SGIP1: variants seen among roughly 807,000 people sequenced by gnomAD.
SGIP1 encodes SH3GL interacting endocytic adaptor 1.
SGIP1 carries 38 observed loss-of-function variants against 107.5 expected under a neutral mutation model. The ratio of observed to expected loss-of-function variants is 0.35; its 90% CI spans 0.27 to 0.46. SGIP1 has a LOEUF of 0.46. SGIP1 is among the 20% of genes least tolerant of loss of function. SGIP1 has a pLI of 1.00. For missense variants in SGIP1, 929 were observed against 1,019.5 expected (o/e 0.91, Z 1.21); for synonymous variants, 365 against 366.1 (o/e 1.00, Z 0.03).
At chr1:66,540,107 GA>G (rs991119618) in intron 1 of SGIP1, among the ~76,000 whole-genome samples, 1 of 151,528 alleles carries the variant, frequency 6.6e-6, no homozygotes, top group South Asian at 2.1e-4. Context: ...ATGGACGTAA[GA>G]AAAAAATGCT....
chr1:66,639,065 G>A (rs569746792), intron 4 of SGIP1, among the ~76,000 whole-genome samples: 1 of 152,196 alleles, frequency 6.6e-6, no homozygotes, highest in African/African-American at 2.4e-5. Context: ...TTGTACTAGG[G>A]GACAAAGAAA....
At chr1:66,703,942 T>A (rs890463935) in intron 18 of SGIP1, among the ~76,000 whole-genome samples, 11 of 152,068 alleles carry the variant, frequency 7.2e-5, no homozygotes, top group African/African-American at 2.7e-4. Flanking sequence ...TAGATCTTAG[T>A]TATAACCTCA....
chr1:66,612,837 C>T (rs552084406), intron 1 of SGIP1, among the ~76,000 whole-genome samples: 1 of 152,228 alleles, frequency 6.6e-6, no homozygotes, highest in South Asian at 2.1e-4. Context: ...GTTTAAATCC[C>T]AATTAAGATT....
chr1:66,593,287 T>G (rs1448124446), intron 1 of SGIP1, among the ~76,000 whole-genome samples: 1 of 152,214 alleles, frequency 6.6e-6, no homozygotes, highest in Non-Finnish European at 1.5e-5. Context: ...GACAGAGTTT[T>G]CAACTCATTT....
intron 15 of SGIP1, among the ~76,000 whole-genome samples, chr1:66,683,527 C>G (rs545367946): frequency 6.6e-6 from 1 of 151,978 alleles, no homozygotes; most frequent in Admixed American, 6.6e-5. Context: ...CACACAAAAC[C>G]AGTGCTTTAT....
chr1:66,656,179 C>T lies in SGIP1; in HGVS notation c.460-4334C>T, dbSNP rs181721531. The stretch of plus-strand genomic sequence containing the variant: ...ACACAAACATTAACCTAGACCTACA[C>T]AGGGTCAGGACCAGCAACATCACTG... On this transcript the variant is annotated intron_variant, in intron 7 of 24. Transcript: ENST00000371037. 2.8e-3 allele frequency among the ~76,000 whole-genome samples: 419 copies of T among 152,276 alleles called. 4 individuals carry two copies. The highest frequency in any genetic ancestry group is 0.027 in the Middle Eastern group (8 of 294).
rs377152731 is a variant in SGIP1 at position 66,682,104 on chromosome 1, C to T, written c.1050C>T (p.Gly350=). The change falls in exon 15 of 25, where the codon GGC becomes GGT. Residue 350 remains glycine (G), a synonymous_variant. Transcript: ENST00000371037. ...PDNPADSPAP[G]PLGPPGPTGP... is the part of the protein sequence containing the mutation. ...ACCCAGCTGACTCCCCAGCTCCAGGCCCTCTCGGCCCCCCAGGTCCCACAG... is the reference window on the plus strand; with the variant it reads ...ACCCAGCTGACTCCCCAGCTCCAGGTCCTCTCGGCCCCCCAGGTCCCACAG... 37 of 1,614,056 alleles carry T rather than the reference C, an allele frequency of 2.3e-5. No homozygotes were observed. The highest frequency in any genetic ancestry group is 3.0e-5 in the Non-Finnish European group (35 of 1,180,022).
At position 66,660,531 on chromosome 1, in the gene SGIP1, A is replaced by T. The variant is rs2081259387; in HGVS notation, c.471+7A>T. The T allele has an allele frequency of 6.2e-7, 1 of 1,609,838 alleles. No homozygotes were observed. The highest frequency in any genetic ancestry group is 8.5e-7 in the Non-Finnish European group (1 of 1,176,184). On this transcript the variant is annotated splice_region_variant and intron_variant, in intron 8 of 24. Transcript: ENST00000371037. ...CTTTTAGAGGAAAAGTCCGGTAAGA[A>T]ATAAGTCCTTCCCGCTTTTGGGGCA...
At chr1:66,703,517 A>C (rs1448388349) in intron 18 of SGIP1, among the ~76,000 whole-genome samples, 1 of 151,586 alleles carries the variant, frequency 6.6e-6, no homozygotes, top group East Asian at 1.9e-4. Context: ...ACATATACAT[A>C]CATATGCACA....
chr1:66,667,271 T>C (rs1386925080), intron 8 of SGIP1, among the ~76,000 whole-genome samples: 1 of 152,214 alleles, frequency 6.6e-6, no homozygotes, highest in Non-Finnish European at 1.5e-5. Flanking sequence ...CTTGTTCTTA[T>C]GTACACATAA....
intron 18 of SGIP1, among the ~76,000 whole-genome samples, chr1:66,708,173 C>A (rs2092657661): frequency 6.6e-6 from 1 of 152,114 alleles, no homozygotes; most frequent in Non-Finnish European, 1.5e-5. Context: ...TTACCTTGAG[C>A]AAGTTATTTA....
intron 1 of SGIP1, among the ~76,000 whole-genome samples, chr1:66,576,133 T>C (rs1013260217): frequency 4.6e-5 from 7 of 152,088 alleles, no homozygotes; most frequent in African/African-American, 1.7e-4. Flanking sequence ...CCTTCTGGAG[T>C]CCTAAAGATA....
At chr1:66,684,286 A>C in intron 15 of SGIP1, 1 of 1,491,350 alleles carries the variant, frequency 6.7e-7, no homozygotes, top group Non-Finnish European at 9.0e-7. Context: ...GACTACTGAC[A>C]CCCATCTACA....
At chr1:66,605,745 G>T (rs1382281377) in intron 1 of SGIP1, among the ~76,000 whole-genome samples, 3 of 152,070 alleles carry the variant, frequency 2.0e-5, no homozygotes, top group East Asian at 1.9e-4. Flanking sequence ...AGGCTAATTT[G>T]GTGTCTGAGG....
intron 1 of SGIP1, among the ~76,000 whole-genome samples, chr1:66,581,289 A>T (rs2061792593): frequency 6.6e-6 from 1 of 152,074 alleles, no homozygotes. Flanking sequence ...TTGAAAAATT[A>T]CTAGTTATGC....
intron 24 of SGIP1, among the ~76,000 whole-genome samples, chr1:66,742,439 T>A (rs1357434220): frequency 2.8e-5 from 4 of 145,302 alleles, no homozygotes; most frequent in African/African-American, 1.0e-4. Flanking sequence ...AATTGGAATA[T>A]AAGTTATATG....
chr1:66,580,573 G>A (rs1488534458), intron 1 of SGIP1, among the ~76,000 whole-genome samples: 1 of 151,998 alleles, frequency 6.6e-6, no homozygotes, highest in African/African-American at 2.4e-5. Context: ...TATACAGCAG[G>A]AATTTTGTTT....
intron 15 of SGIP1, among the ~76,000 whole-genome samples, chr1:66,687,838 G>A (rs1204388032): frequency 6.6e-6 from 1 of 152,180 alleles, no homozygotes; most frequent in African/African-American, 2.4e-5. Flanking sequence ...AGAGGGAGCA[G>A]GGGTAATAAT....
chr1:66,683,700 C>CTTTGTTTTTTTTTTTTT (rs2087377173), intron 15 of SGIP1, among the ~76,000 whole-genome samples: 1 of 61,396 alleles, frequency 1.6e-5, no homozygotes, highest in Admixed American at 2.5e-4. Context: ...TGTTTCTTTT[C>CTTTGTTTTTTTTTTTTT]TTTTTTTTTT....
Sources: gnomAD v4.1 joint callset for allele counts (sites outside exome capture counted in the v4.1 genomes callset) on GRCh38, gnomAD v4.1.1 for gene constraint, MANE v1.5 for transcripts, NCBI Gene and HGNC (gene_info 2026-07-23, HGNC 2026-07-21) for gene names.